Variants in EVC2 observed in about 807,000 individuals in gnomAD.
EVC2 encodes the protein limbin.
Under a neutral mutation model 149.3 loss-of-function variants are expected in EVC2, and 148 were observed. That is an observed-to-expected ratio of 0.99 (90% CI 0.87 to 1.14). EVC2 has a LOEUF of 1.14. EVC2 is among the 50% of genes most tolerant of loss of function. The pLI is 0.00. For synonymous variants in EVC2, 776 were observed against 649.9 expected, an observed-to-expected ratio of 1.19 and a Z score of -2.95; for missense variants, 1,854 against 1,627.3, an observed-to-expected ratio of 1.14 and a Z score of -2.40.
rs16837573 is a variant in EVC2, at chr4:5,694,537, G to A, written c.284-36C>T. On this transcript the variant is annotated intron_variant, in intron 2 of 21. Coordinates refer to ENST00000344408, the MANE Select transcript of EVC2 (RefSeq NM_147127.5). Reference sequence around the variant, plus strand: ...ACAACACACCCGTTTTATATAATGCGGAAAGACAGTAAGACATAGAACTTA... The same window carrying A: ...ACAACACACCCGTTTTATATAATGCAGAAAGACAGTAAGACATAGAACTTA... 0.048 allele frequency: 77,337 copies of A among 1,613,060 alleles called. 2,624 individuals carry two copies. Among genetic ancestry groups the A allele is most frequent in the East Asian group, 0.17 (7,775 of 44,856 alleles).
chr4:5,688,830 G>C (rs1401553924), intron 5 of EVC2, among the ~76,000 whole-genome samples: 2 of 152,108 alleles, frequency 1.3e-5, no homozygotes, highest in African/African-American at 2.4e-5. Flanking sequence ...AGGTATACTG[G>C]GGTCCACTGT....
At chr4:5,529,784 A>G in the EVC2 span, among the ~76,000 whole-genome samples, 1 of 151,864 alleles carries the variant, frequency 6.6e-6, no homozygotes, top group South Asian at 2.1e-4. This position sits in a 1 kb window ranked among gnomAD's most constrained non-coding sequence, Gnocchi z 4.5. Flanking sequence ...TTGATGATAC[A>G]GAAATGGGAA....
chr4:5,604,095 T>C (rs1366243794), intron 16 of EVC2, among the ~76,000 whole-genome samples: 1 of 152,154 alleles, frequency 6.6e-6, no homozygotes, highest in Non-Finnish European at 1.5e-5. Flanking sequence ...GAGATAGTAA[T>C]AGTTGCTCTG....
chr4:5,672,610 G>A (rs950223343), intron 7 of EVC2, among the ~76,000 whole-genome samples: 4 of 152,150 alleles, frequency 2.6e-5, no homozygotes, highest in African/African-American at 7.2e-5. Flanking sequence ...GGTCTCCCCA[G>A]CTCTGAGAGG....
chr4:5,627,786 C>T (rs4502630), intron 12 of EVC2, among the ~76,000 whole-genome samples: 49,088 of 151,872 alleles, frequency 0.32, 8,627 homozygotes, highest in East Asian at 0.61. Flanking sequence ...GACAACCATC[C>T]CTGTATTTAT....
At chr4:5,615,059 T>A (rs765494685) in intron 16 of EVC2, among the ~76,000 whole-genome samples, 2 of 150,406 alleles carry the variant, frequency 1.3e-5, no homozygotes, top group African/African-American at 2.4e-5. Context: ...GAGGAGAGTG[T>A]GAGAGAGAAA....
chr4:5,601,783 C>T (rs138159797), intron 16 of EVC2, among the ~76,000 whole-genome samples: 1,887 of 152,204 alleles, frequency 0.012, 15 homozygotes, highest in Non-Finnish European at 0.017. Context: ...CTAACAACAA[C>T]GATAAAACCA....
At chr4:5,685,026 AT>A (rs1294236029) in intron 6 of EVC2, among the ~76,000 whole-genome samples, 1 of 152,224 alleles carries the variant, frequency 6.6e-6, no homozygotes, top group African/African-American at 2.4e-5. Flanking sequence ...GTACTTTGTT[AT>A]GGTAGCCCTG....
In EVC2 at chr4:5,618,666, C is replaced by A; in HGVS notation, c.2518G>T (p.Val840Phe). The change falls in exon 15 of 22, where the codon GTC (valine) becomes TTC (phenylalanine). Residue 840 changes from valine (V) to phenylalanine (F), a missense_variant. Val to Phe is a conservative substitution (Grantham distance 50). Coordinates refer to ENST00000344408, the MANE Select transcript of EVC2 (RefSeq NM_147127.5). This position sits in a 1 kb window ranked among gnomAD's most constrained non-coding sequence, Gnocchi z 4.4. The part of the protein sequence containing the change: ...HLIFMKLCSS[V>F]FSLSEEELLR... ...AGCTCCTCTTCAGACAGGGAGAAGA[C>A]TGAGGAGCAGAGCTTCCTGGGAGGA... The A allele has an allele frequency of 6.2e-7, 1 of 1,603,662 alleles. No individual in the cohort carries two copies. Among genetic ancestry groups the A allele is most frequent in the Non-Finnish European group, 8.5e-7 (1 of 1,174,898 alleles).
chr4:5,694,522 C>T (rs757622067), intron 2 of EVC2, 21 bp from the exon 3 acceptor site: 17 of 1,614,056 alleles, frequency 1.1e-5, no homozygotes, highest in South Asian at 4.4e-5. Context: ...ACAACACACC[C>T]GTTTTATATA....
chr4:5,554,950 T>C (rs1721806606), intron 21 of EVC2, among the ~76,000 whole-genome samples: 1 of 152,232 alleles, frequency 6.6e-6, no homozygotes, highest in African/African-American at 2.4e-5. Context: ...TAGTTATTAA[T>C]GTTGTAAATG....
At position 5,664,445 on chromosome 4, in the gene EVC2, A is replaced by T. The variant is rs908142691; in HGVS notation, c.1005+1070T>A. ...CTGTGCAGTTCTTATGATCTGCCTT[A>T]ATCTCTGGAAAATGAATCCTGCTCC... On this transcript the variant is annotated intron_variant, in intron 8 of 21. Transcript: ENST00000344408. 5.9e-5 allele frequency among the ~76,000 whole-genome samples: 9 copies of T among 152,180 alleles called. 1 individual carries two copies. The highest frequency in any genetic ancestry group is 5.9e-4 in the Admixed American group (9 of 15,284).
chr4:5,550,816 G>A lies in EVC2; in HGVS notation c.3420-7604C>T, dbSNP rs557869915. ...GCCTGGCCCACGGTCCCCATGCTGT[G>A]TGCAGCCTAGGGACTTGGTGCCCTG... On this transcript the variant is annotated intron_variant and NMD_transcript_variant, in intron 21 of 22. Coordinates refer to the EVC2 transcript ENST00000475313. 2.6e-5 allele frequency among the ~76,000 whole-genome samples: 4 copies of A among 152,340 alleles called. No individual in the cohort carries two copies. The East Asian group carries it at 5.8e-4, about 22-fold the overall frequency.
intron 17 of EVC2, among the ~76,000 whole-genome samples, chr4:5,584,184 C>A (rs749205144): frequency 6.6e-6 from 1 of 152,080 alleles, no homozygotes; most frequent in Non-Finnish European, 1.5e-5. Flanking sequence ...ACAGTTATTA[C>A]CATAGCTTTT....
At chr4:5,631,170 T>C (rs894867037) in intron 11 of EVC2, among the ~76,000 whole-genome samples, 2 of 152,222 alleles carry the variant, frequency 1.3e-5, no homozygotes, top group African/African-American at 4.8e-5. Flanking sequence ...CATCCAAGTA[T>C]ATCCAGGCAC....
At chr4:5,589,185 T>C (rs1052421466) in intron 16 of EVC2, among the ~76,000 whole-genome samples, 1 of 152,234 alleles carries the variant, frequency 6.6e-6, no homozygotes, top group African/African-American at 2.4e-5. Flanking sequence ...GCTAACCTTT[T>C]GGGTTATGTT....
At chr4:5,659,296 A>G (rs903554128) in intron 9 of EVC2, among the ~76,000 whole-genome samples, 1 of 151,952 alleles carries the variant, frequency 6.6e-6, no homozygotes, top group Non-Finnish European at 1.5e-5. Flanking sequence ...ACAGATTTCC[A>G]TGCATACTAA....
At chr4:5,689,664 C>T (rs1193310407) in intron 4 of EVC2, among the ~76,000 whole-genome samples, 2 of 152,186 alleles carry the variant, frequency 1.3e-5, no homozygotes, top group African/African-American at 4.8e-5. Flanking sequence ...ATTGTGATAA[C>T]CAGTGTTACC....
chr4:5,689,213 G>C lies in EVC2; in HGVS notation c.650C>G (p.Ser217Cys), dbSNP rs1284700798. ...DSIAGLTIWD[S>C]VGNRTSEGFQ... ...TCCTTCCGAGGTCCTGTTTCCCACA[G>C]AGTCCCAAATGGTGAGACCAGCAAT... Residue 217 changes from serine (S) to cysteine (C), a missense_variant, in exon 5 of 22, where the codon TCT becomes TGT. Physicochemically the swap from Ser to Cys is moderately radical, Grantham distance 112 (BLOSUM62 -1). Coordinates refer to ENST00000344408, the MANE Select transcript of EVC2 (RefSeq NM_147127.5). 8.7e-6 allele frequency: 14 copies of C among 1,614,084 alleles called. No homozygotes were observed. In the East Asian group the frequency reaches 2.7e-4, roughly 31 times the overall value.
Sources: gnomAD v4.1 joint callset for allele counts (sites outside exome capture counted in the v4.1 genomes callset) on GRCh38, gnomAD v4.1.1 for gene constraint, Gnocchi (gnomAD v3.1) non-coding constraint, MANE v1.5 for transcripts, NCBI Gene and HGNC (gene_info 2026-07-23, HGNC 2026-07-21) for gene names.